The following ADCK1 variants were observed in gnomAD, a reference collection of about 807,000 sequenced individuals.
The protein encoded by ADCK1 is aarF domain containing kinase 1.
A neutral mutation model predicts 52.3 loss-of-function variants in ADCK1; 41 were observed. The observed-to-expected ratio is 0.78, with a 90% CI of 0.61 to 1.02. The LOEUF (loss-of-function observed/expected upper bound fraction) is 1.02. Ranked by LOEUF, ADCK1 falls within the 50% of genes least tolerant of loss-of-function variation. The probability of loss-of-function intolerance (pLI) is 0.00; values close to 1 mark genes in which losing one functional copy is unlikely to be tolerated. For synonymous variants in ADCK1, 250 were observed against 274.6 expected (o/e 0.91, Z 0.89); for missense variants, 658 against 679.5 (o/e 0.97, Z 0.35).
intron 5 of ADCK1, among the ~76,000 whole-genome samples, chr14:77,889,499 G>A (rs920586271): frequency 1.3e-5 from 2 of 152,182 alleles, no homozygotes; most frequent in African/African-American, 4.8e-5. Flanking sequence ...CTTGCTCTAT[G>A]TTACTCCCAG....
chr14:77,809,730 A>G (rs907108963), intron 1 of ADCK1, among the ~76,000 whole-genome samples: 7 of 151,346 alleles, frequency 4.6e-5, no homozygotes, highest in African/African-American at 1.7e-4. Flanking sequence ...TAACAAATAA[A>G]TGAGGTTTAA....
intron 3 of ADCK1, among the ~76,000 whole-genome samples, chr14:77,840,800 A>G (rs2082050546): frequency 6.6e-6 from 1 of 151,304 alleles, no homozygotes; most frequent in Admixed American, 6.6e-5. Context: ...GTGAGCTGAG[A>G]TGGTGCCATT....
At chr14:77,914,794 C>A (rs1025812678) in intron 7 of ADCK1, among the ~76,000 whole-genome samples, 8 of 152,150 alleles carry the variant, frequency 5.3e-5, no homozygotes, top group African/African-American at 1.7e-4. Flanking sequence ...ATAATTCATG[C>A]GTTCATGGTT....
chr14:77,850,517 T>G (rs893548684), intron 3 of ADCK1, among the ~76,000 whole-genome samples: 1 of 152,234 alleles, frequency 6.6e-6, no homozygotes, highest in Non-Finnish European at 1.5e-5. Flanking sequence ...ATCCTCTTGA[T>G]GGATTGATCC....
chr14:77,891,192 G>T (rs1019730747), intron 5 of ADCK1, among the ~76,000 whole-genome samples: 6 of 152,188 alleles, frequency 3.9e-5, no homozygotes, highest in Admixed American at 3.3e-4. Context: ...GACTCGAGGT[G>T]GGTGAAGGTT....
intron 3 of ADCK1, among the ~76,000 whole-genome samples, chr14:77,825,309 G>T (rs967323534): frequency 5.3e-5 from 8 of 152,184 alleles, no homozygotes; most frequent in African/African-American, 1.9e-4. Flanking sequence ...CTTTGGGGAG[G>T]TCCCAGACAG....
At chr14:77,807,225 C>G (rs61990719) in intron 1 of ADCK1, among the ~76,000 whole-genome samples, 1 of 151,340 alleles carries the variant, frequency 6.6e-6, no homozygotes, top group South Asian at 2.1e-4. Context: ...CCCGCCACCA[C>G]GCCCGGTTAA....
At chr14:77,832,321 A>G (rs950947006) in intron 3 of ADCK1, among the ~76,000 whole-genome samples, 1 of 152,188 alleles carries the variant, frequency 6.6e-6, no homozygotes, top group Non-Finnish European at 1.5e-5. Flanking sequence ...GGTGTGTAGC[A>G]CATCATGAAC....
In ADCK1 at chr14:77,900,070, CA is replaced by C. The variant is rs751907850; in HGVS notation, c.741+827del. ...GGGCAACAAGAGTGAAACTCCGTCT[CA>C]AAAAAAAAAAAAAAGAAAATTCATC... On this transcript the variant is annotated intron_variant, in intron 6 of 10. Transcript: ENST00000238561. Among the ~76,000 whole-genome samples, 166 of 67,076 alleles carry C rather than the reference CA, an allele frequency of 2.5e-3. 1 individual carries two copies. The highest frequency in any genetic ancestry group is 6.2e-3 in the African/African-American group (133 of 21,370). 44.0% of individuals were successfully genotyped at this position (67,076 alleles called of 152,430 possible). A position where few individuals can be genotyped will look rare whatever the true frequency, so the allele number is the denominator to read the frequency against.
chr14:77,888,626 G>C (rs1443048399), intron 5 of ADCK1, among the ~76,000 whole-genome samples: 1 of 152,148 alleles, frequency 6.6e-6, no homozygotes, highest in African/African-American at 2.4e-5. Flanking sequence ...GGGAGTAAGG[G>C]AGATGGATGG....
chr14:77,899,668 C>G (rs987100751), intron 6 of ADCK1, among the ~76,000 whole-genome samples: 1 of 152,130 alleles, frequency 6.6e-6, no homozygotes, highest in African/African-American at 2.4e-5. Flanking sequence ...GTTGGTTCTT[C>G]TGTAACAAAA....
chr14:77,832,814 G>A (rs189912374), intron 3 of ADCK1, among the ~76,000 whole-genome samples: 1 of 152,312 alleles, frequency 6.6e-6, no homozygotes, highest in African/African-American at 2.4e-5. Flanking sequence ...AATTCACTAA[G>A]CATTTTAAAG....
chr14:77,928,416 GT>G, intron 9 of ADCK1, among the ~76,000 whole-genome samples: 1 of 151,960 alleles, frequency 6.6e-6, no homozygotes, highest in Non-Finnish European at 1.5e-5. Flanking sequence ...CATGTACTAG[GT>G]TCTCAGTATA....
At chr14:77,818,895 G>A in intron 1 of ADCK1, 73 bp from the exon 2 acceptor site, 1 of 1,541,136 alleles carries the variant, frequency 6.5e-7, no homozygotes, top group Non-Finnish European at 8.9e-7. Context: ...GTAGAGCTGG[G>A]ATTTGAACTT....
chr14:77,866,824 A>G (rs369248281), intron 4 of ADCK1, among the ~76,000 whole-genome samples: 1 of 152,108 alleles, frequency 6.6e-6, no homozygotes, highest in African/African-American at 2.4e-5. Flanking sequence ...AGGGCTGAGC[A>G]TGCCCTGGGC....
chr14:77,867,374 G>A (rs766491457), intron 4 of ADCK1, among the ~76,000 whole-genome samples: 16 of 152,236 alleles, frequency 1.1e-4, no homozygotes, highest in Non-Finnish European at 2.4e-4. Context: ...GGGCCAGGGA[G>A]TGGGATCGCC....
chr14:77,848,986 C>A (rs1020950447), intron 3 of ADCK1, among the ~76,000 whole-genome samples: 5 of 152,174 alleles, frequency 3.3e-5, no homozygotes, highest in African/African-American at 1.2e-4. Flanking sequence ...CTACCACGCC[C>A]AGCTAATTTC....
intron 1 of ADCK1, among the ~76,000 whole-genome samples, chr14:77,816,665 C>T (rs1234925562): frequency 6.6e-6 from 1 of 151,826 alleles, no homozygotes; most frequent in Non-Finnish European, 1.5e-5. Context: ...AATAAGCCAG[C>T]AAACGTAAGT....
chr14:77,858,408 T>C (rs1594951849), intron 3 of ADCK1, among the ~76,000 whole-genome samples: 1 of 151,972 alleles, frequency 6.6e-6, no homozygotes, highest in East Asian at 1.9e-4. Flanking sequence ...GGATAATTTT[T>C]TTTTTGTATT....
Sources: allele counts gnomAD v4.1 joint callset (sites outside exome capture counted in the v4.1 genomes callset), GRCh38; gene constraint gnomAD v4.1.1; transcripts MANE v1.5; gene names NCBI Gene and HGNC (gene_info 2026-07-23, HGNC 2026-07-21).